Variants in NRG3 observed in about 807,000 individuals in gnomAD.
NRG3 encodes neuregulin 3, also known as pro-neuregulin-3, membrane-bound isoform.
A neutral mutation model predicts 66.9 loss-of-function variants in NRG3; 31 were observed. The observed-to-expected ratio is 0.46, with a 90% CI of 0.35 to 0.63. The LOEUF (loss-of-function observed/expected upper bound fraction) is 0.63. NRG3 is among the 20% of genes least tolerant of loss of function. NRG3 has a pLI of 0.00. For missense variants in NRG3, 910 were observed against 878.9 expected, an observed-to-expected ratio of 1.04 and a Z score of -0.45; for synonymous variants, 393 against 359.4, an observed-to-expected ratio of 1.09 and a Z score of -1.06.
rs887423630 is a variant in NRG3 at position 82,677,833 on chromosome 10, C to T, written c.954-60744C>T. ...AAGTGGGCAACTTGAGAGTCAAGTG[C>T]ACTGTTTGACGTTTGTCTTGGGTTT... is the stretch of plus-strand genomic sequence containing the variant. On this transcript the variant is annotated intron_variant, in intron 2 of 8. Transcript: ENST00000372141. 2.6e-5 allele frequency among the ~76,000 whole-genome samples: 4 copies of T among 152,066 alleles called. No individual in the cohort carries two copies. In the East Asian group the frequency reaches 7.8e-4, roughly 29 times the overall value.
rs187376164 is a variant in NRG3, at chr10:82,531,562, T to A, written c.953+172694T>A. Among the ~76,000 whole-genome samples, 8 of 151,956 alleles carry A rather than the reference T, an allele frequency of 5.3e-5. No individual in the cohort carries two copies. The East Asian group carries it at 7.7e-4, about 15-fold the overall frequency. On this transcript the variant is annotated intron_variant, in intron 2 of 8. Transcript: ENST00000372141. ...TTATTAATTAATAAACAGTTATTTT[T>A]AAAAATGTGATACATTATTTTTGAC...
chr10:82,229,621 C>A (rs2076351089), intron 1 of NRG3, among the ~76,000 whole-genome samples: 1 of 152,162 alleles, frequency 6.6e-6, no homozygotes. Flanking sequence ...CCATGTCCTT[C>A]TTCACATGGC....
chr10:82,499,393 T>G (rs975568167), intron 2 of NRG3, among the ~76,000 whole-genome samples: 1 of 152,202 alleles, frequency 6.6e-6, no homozygotes, highest in Admixed American at 6.5e-5. Flanking sequence ...AACCTTTCTT[T>G]CTTTCCTAGA....
At chr10:82,231,634 A>G (rs1159402259) in intron 1 of NRG3, among the ~76,000 whole-genome samples, 4 of 152,214 alleles carry the variant, frequency 2.6e-5, no homozygotes, top group African/African-American at 9.6e-5. Flanking sequence ...TGTGCATCAC[A>G]TAACATAGAC....
At chr10:82,795,995 C>T (rs1314671542) in intron 3 of NRG3, among the ~76,000 whole-genome samples, 1 of 151,984 alleles carries the variant, frequency 6.6e-6, no homozygotes, top group African/African-American at 2.4e-5. Flanking sequence ...GTGGTTTCAT[C>T]CCTCTCCTTT....
chr10:82,960,479 T>C (rs1266389780), intron 6 of NRG3, among the ~76,000 whole-genome samples: 1 of 152,070 alleles, frequency 6.6e-6, no homozygotes, highest in Non-Finnish European at 1.5e-5. Flanking sequence ...TTTTTTTTTT[T>C]TTTGAGAAAG....
intron 4 of NRG3, among the ~76,000 whole-genome samples, chr10:82,900,314 C>A (rs998023953): frequency 6.6e-6 from 1 of 152,102 alleles, no homozygotes; most frequent in Non-Finnish European, 1.5e-5. Context: ...GATTGCATAT[C>A]CTCATCAAAA....
intron 2 of NRG3, among the ~76,000 whole-genome samples, chr10:82,445,994 C>G (rs1364670976): frequency 2.6e-5 from 4 of 152,184 alleles, no homozygotes; most frequent in Non-Finnish European, 5.9e-5. Flanking sequence ...TATCCTTTCT[C>G]AAATTATCTG....
At chr10:82,289,740 A>G (rs377156932) in intron 1 of NRG3, among the ~76,000 whole-genome samples, 1 of 152,198 alleles carries the variant, frequency 6.6e-6, no homozygotes, top group African/African-American at 2.4e-5. Flanking sequence ...TTTCCTCAAT[A>G]TAACATTTTT....
At chr10:82,066,424 A>G (rs1047475906) in intron 1 of NRG3, among the ~76,000 whole-genome samples, 3 of 152,160 alleles carry the variant, frequency 2.0e-5, no homozygotes, top group Non-Finnish European at 2.9e-5. Context: ...GGGATTTGCA[A>G]TCTAGTTAAG....
In NRG3 at chr10:82,730,692, T is replaced by G. The variant is rs989359395; in HGVS notation, c.954-7885T>G. ...TCCTGTGTTAATTAGTGTTCTTTTT[T>G]AAATAAGAATTATTAATTAAATTCT... On this transcript the variant is annotated intron_variant, in intron 2 of 8. Transcript: ENST00000372141. 2.0e-5 allele frequency among the ~76,000 whole-genome samples: 3 copies of G among 152,352 alleles called. No homozygotes were observed. In the East Asian group the frequency reaches 5.8e-4, roughly 29 times the overall value.
chr10:82,479,485 G>A (rs548889255), intron 2 of NRG3, among the ~76,000 whole-genome samples: 1 of 129,970 alleles, frequency 7.7e-6, no homozygotes, highest in East Asian at 2.3e-4. Context: ...GATCACCTGA[G>A]GTCAGGAGTT....
intron 5 of NRG3, chr10:82,955,269 T>A (rs1027068131): frequency 3.3e-5 from 5 of 151,910 alleles, no homozygotes; most frequent in Admixed American, 2.6e-4. Context: ...AAGAAACACC[T>A]TGAATTTAGA....
intron 1 of NRG3, among the ~76,000 whole-genome samples, chr10:81,914,769 C>CAAAAAAAAAA (rs58460918): frequency 3.3e-4 from 22 of 67,188 alleles, no homozygotes; most frequent in East Asian, 4.3e-4. Context: ...AAACAGAAAG[C>CAAAAAAAAAA]AAAAAAAAAA....
chr10:81,940,340 T>C (rs528536239), intron 1 of NRG3, among the ~76,000 whole-genome samples: 4 of 152,186 alleles, frequency 2.6e-5, no homozygotes, highest in Admixed American at 2.6e-4. Flanking sequence ...TCTCTGATTA[T>C]TAATGAGTTG....
chr10:82,984,741 G>C, intron 8 of NRG3: 2 of 1,549,564 alleles, frequency 1.3e-6, no homozygotes, highest in Non-Finnish European at 1.7e-6. Context: ...CAATGGAAAG[G>C]CCACACTTAC....
In NRG3 at chr10:81,954,192, A is replaced by T. The variant is rs558070966; in HGVS notation, c.823+78029A>T. Among the ~76,000 whole-genome samples the T allele has an allele frequency of 3.8e-3, 572 of 152,244 alleles. 3 individuals are homozygous for T. The highest frequency in any genetic ancestry group is 7.0e-3 in the Non-Finnish European group (477 of 68,008). ...GAGTTGAGGTGGTAAGAGCAGAGTT[A>T]ATTTAGGAAGCAGCCCTGTTGTGGA... is the stretch of plus-strand genomic sequence containing the variant. On this transcript the variant is annotated intron_variant, in intron 1 of 8. Transcript: ENST00000372141.
intron 2 of NRG3, among the ~76,000 whole-genome samples, chr10:82,495,124 A>G (rs1345086884): frequency 6.6e-6 from 1 of 151,930 alleles, no homozygotes; most frequent in Non-Finnish European, 1.5e-5. Context: ...TATTTTTAAT[A>G]GAGATGGGGT....
chr10:82,170,226 T>C (rs1037482057), intron 1 of NRG3, among the ~76,000 whole-genome samples: 16 of 152,014 alleles, frequency 1.1e-4, no homozygotes, highest in African/African-American at 3.9e-4. Flanking sequence ...TTCTGAAATA[T>C]ACCACCTTTT....
Sources: allele counts gnomAD v4.1 joint callset (sites outside exome capture counted in the v4.1 genomes callset), GRCh38; gene constraint gnomAD v4.1.1; transcripts MANE v1.5; gene names NCBI Gene and HGNC (gene_info 2026-07-23, HGNC 2026-07-21).